SH2D4A: variants seen among roughly 807,000 people sequenced by gnomAD.
The protein encoded by SH2D4A is SH2 domain-containing protein 4A.
SH2D4A carries 70 observed loss-of-function variants against 64.7 expected under a neutral mutation model. The observed-to-expected ratio is 1.08, with a 90% CI of 0.89 to 1.32. The LOEUF is 1.32. SH2D4A is among the 40% of genes most tolerant of loss of function. SH2D4A has a pLI of 0.00. For missense variants in SH2D4A, 706 were observed against 540.1 expected, an observed-to-expected ratio of 1.31 and a Z score of -3.04; for synonymous variants, 268 against 200.7, an observed-to-expected ratio of 1.34 and a Z score of -2.83.
At chr8:19,365,907 C>T (rs1048295190) in intron 7 of SH2D4A, among the ~76,000 whole-genome samples, 2 of 151,636 alleles carry the variant, frequency 1.3e-5, no homozygotes, top group Non-Finnish European at 2.9e-5. Flanking sequence ...AATATAACTT[C>T]GTATGTGTGC....
chr8:19,320,150 TCTTTTTAGGGAACACCTC>T (rs2117173423), intron 2 of SH2D4A, among the ~76,000 whole-genome samples: 1 of 152,368 alleles, frequency 6.6e-6, no homozygotes, highest in African/African-American at 2.4e-5. Context: ...CTTTGAGGTA[TCTTTTTAGGGAACACCTC>T]CTGTTAAAAT....
intron 4 of SH2D4A, among the ~76,000 whole-genome samples, chr8:19,354,798 C>A (rs1482385790): frequency 6.6e-6 from 1 of 152,190 alleles, no homozygotes; most frequent in Non-Finnish European, 1.5e-5. Context: ...ACAAAATAGA[C>A]AACACTTTTG....
At chr8:19,352,966 T>C (rs566232513) in intron 4 of SH2D4A, among the ~76,000 whole-genome samples, 1 of 152,232 alleles carries the variant, frequency 6.6e-6, no homozygotes, top group South Asian at 2.1e-4. Context: ...GCCCTGATCA[T>C]GCCACCGCAC....
chr8:19,343,490 G>C (rs2052560877), intron 4 of SH2D4A, among the ~76,000 whole-genome samples: 1 of 151,286 alleles, frequency 6.6e-6, no homozygotes, highest in Admixed American at 6.6e-5. Context: ...ATGGGTTTTT[G>C]GTGGAAAAAA....
rs894021482 is a variant in SH2D4A, at chr8:19,320,215, A to G, written c.181+487A>G. Among the ~76,000 whole-genome samples, 9 of 152,294 alleles carry G rather than the reference A, an allele frequency of 5.9e-5. 1 individual carries two copies. Among genetic ancestry groups the G allele is most frequent in the Non-Finnish European group, 5.9e-5 (4 of 68,022 alleles). On this transcript the variant is annotated intron_variant, in intron 2 of 9. Coordinates refer to ENST00000265807, the MANE Select transcript of SH2D4A (RefSeq NM_022071.4). Reference sequence around the variant, plus strand: ...CTATAAGGAAAAAAATCATAATACTATCTTTTTTTAGTGTGAATGAGTTTC... The same window carrying G: ...CTATAAGGAAAAAAATCATAATACTGTCTTTTTTTAGTGTGAATGAGTTTC...
At chr8:19,322,906 C>A (rs2052216057) in intron 2 of SH2D4A, among the ~76,000 whole-genome samples, 1 of 152,070 alleles carries the variant, frequency 6.6e-6, no homozygotes, top group Admixed American at 6.6e-5. Context: ...AACTCCTGAC[C>A]TCAAGTGATC....
chr8:19,388,557 G>C (rs182024009), intron 8 of SH2D4A, among the ~76,000 whole-genome samples: 37 of 152,334 alleles, frequency 2.4e-4, no homozygotes, highest in African/African-American at 8.4e-4. Flanking sequence ...GGGTTGCGGT[G>C]AGGATAAAAG....
chr8:19,341,422 G>C (rs1432879059), intron 4 of SH2D4A, among the ~76,000 whole-genome samples: 1 of 152,168 alleles, frequency 6.6e-6, no homozygotes, highest in African/African-American at 2.4e-5. Flanking sequence ...CCTTATCTGA[G>C]TAACTCTGGG....
At chr8:19,337,803 C>T (rs2052467941) in intron 4 of SH2D4A, among the ~76,000 whole-genome samples, 1 of 152,122 alleles carries the variant, frequency 6.6e-6, no homozygotes, top group African/African-American at 2.4e-5. Context: ...AGACCCACCC[C>T]CATGATTTAA....
chr8:19,334,210 G>A (rs1024124786), intron 3 of SH2D4A, among the ~76,000 whole-genome samples: 1 of 152,176 alleles, frequency 6.6e-6, no homozygotes, highest in Admixed American at 6.5e-5. Flanking sequence ...CCAAGGGCTA[G>A]GGATGCAAAG....
chr8:19,376,297 T>C (rs1334605388), intron 8 of SH2D4A, among the ~76,000 whole-genome samples: 1 of 151,932 alleles, frequency 6.6e-6, no homozygotes. Context: ...TTATGGAGGG[T>C]AATCTGCTTT....
At chr8:19,341,121 T>C (rs1238783798) in intron 4 of SH2D4A, among the ~76,000 whole-genome samples, 3 of 152,240 alleles carry the variant, frequency 2.0e-5, no homozygotes, top group African/African-American at 4.8e-5. Context: ...AACTATGACA[T>C]ATTTAAAACA....
chr8:19,378,545 C>A (rs886339026), intron 8 of SH2D4A, among the ~76,000 whole-genome samples: 1 of 152,086 alleles, frequency 6.6e-6, no homozygotes, highest in African/African-American at 2.4e-5. Flanking sequence ...AAGCAATTCT[C>A]CTGCCTCAGC....
chr8:19,361,345 C>T, intron 6 of SH2D4A, 31 bp downstream of exon 6: 1 of 1,563,868 alleles, frequency 6.4e-7, no homozygotes, highest in Non-Finnish European at 8.6e-7. Flanking sequence ...ATAGCACCTT[C>T]CAGGCTCTCA....
At chr8:19,346,818 A>C (rs1427209220) in intron 4 of SH2D4A, among the ~76,000 whole-genome samples, 1 of 152,200 alleles carries the variant, frequency 6.6e-6, no homozygotes, top group Non-Finnish European at 1.5e-5. Flanking sequence ...GAAATCCTTC[A>C]ATTACAGGAT....
At chr8:19,357,388 C>G in intron 5 of SH2D4A, 105 bp downstream of exon 5, 2 of 864,270 alleles carry the variant, frequency 2.3e-6, no homozygotes, top group East Asian at 2.5e-5. Flanking sequence ...AATTAAGCAG[C>G]AGGATGGGAA....
chr8:19,332,858 T>TATA, intron 2 of SH2D4A, 97 bp from the exon 3 acceptor site: 8 of 1,189,836 alleles, frequency 6.7e-6, no homozygotes, highest in Non-Finnish European at 9.4e-6. Flanking sequence ...TATATATATA[T>TATA]TTTCAAAGAC....
chr8:19,344,936 T>A (rs183717111), intron 4 of SH2D4A, among the ~76,000 whole-genome samples: 2 of 152,348 alleles, frequency 1.3e-5, no homozygotes, highest in African/African-American at 4.8e-5. Flanking sequence ...AGGAGTTACA[T>A]ATTTTCAGAC....
intron 6 of SH2D4A, among the ~76,000 whole-genome samples, chr8:19,363,170 G>C (rs1174269740): frequency 6.6e-6 from 1 of 152,050 alleles, no homozygotes; most frequent in Admixed American, 6.6e-5. Flanking sequence ...CCGCCTCCTG[G>C]TTTCAAGGGA....
Sources: allele counts gnomAD v4.1 joint callset (sites outside exome capture counted in the v4.1 genomes callset), GRCh38; gene constraint gnomAD v4.1.1; transcripts MANE v1.5; gene names NCBI Gene and HGNC (gene_info 2026-07-23, HGNC 2026-07-21).